Variants in MAST2 observed in about 807,000 individuals in gnomAD.
The protein encoded by MAST2 is microtubule associated serine/threonine kinase 2.
Under a neutral mutation model 147.4 loss-of-function variants are expected in MAST2, and 70 were observed. The ratio of observed to expected loss-of-function variants is 0.47; its 90% CI spans 0.39 to 0.58. The LOEUF (loss-of-function observed/expected upper bound fraction) is 0.58. Ranked by LOEUF, MAST2 falls within the 20% of genes least tolerant of loss-of-function variation. The probability of loss-of-function intolerance (pLI) is 0.00; values close to 1 mark genes in which losing one functional copy is unlikely to be tolerated. For missense variants in MAST2, 2,080 were observed against 2,302.3 expected, an observed-to-expected ratio of 0.90 and a Z score of 1.98; for synonymous variants, 869 against 896.8, an observed-to-expected ratio of 0.97 and a Z score of 0.55.
At position 46,034,591 on chromosome 1, in the gene MAST2, C is replaced by G. The variant is rs1318573130; in HGVS notation, c.3922C>G (p.Pro1308Ala). The G allele has an allele frequency of 1.2e-6, 2 of 1,614,078 alleles. No individual in the cohort carries two copies. The highest frequency in any genetic ancestry group is 1.7e-5 in the Admixed American group (1 of 60,018). Residue 1308 changes from proline to alanine, a missense_variant, in exon 29 of 29, where the codon CCA becomes GCA. Around this residue, in one of 4 missense-constraint regions of MAST2, gnomAD observed 1,278 missense variants for 1,304.2 expected, o/e 0.98. Transcript: ENST00000361297. ...SSPSSSVPSS[P>A]AGSGHTRPSS... ...CCCCAGCTCCAGCGTGCCCAGTTCCCCAGCCGGCTCTGGGCACACACGGCC... is the reference window on the plus strand; with the variant it reads ...CCCCAGCTCCAGCGTGCCCAGTTCCGCAGCCGGCTCTGGGCACACACGGCC...
At chr1:45,981,738 C>T (rs1644414363) in intron 5 of MAST2, among the ~76,000 whole-genome samples, 1 of 152,002 alleles carries the variant, frequency 6.6e-6, no homozygotes, top group Non-Finnish European at 1.5e-5. Context: ...CTTTCATTGT[C>T]ATAATATTCC....
At chr1:45,861,562 T>C (rs1557842180) in intron 3 of MAST2, among the ~76,000 whole-genome samples, 1 of 152,158 alleles carries the variant, frequency 6.6e-6, no homozygotes, top group Non-Finnish European at 1.5e-5. Context: ...GTACCTGCTT[T>C]TTCCTTTTCA....
At position 46,019,748 on chromosome 1, in the gene MAST2, G is replaced by A. The variant is rs774657276; in HGVS notation, c.1290+51G>A. The A allele has an allele frequency of 1.1e-4, 166 of 1,495,512 alleles. 1 individual carries two copies. Among genetic ancestry groups the A allele is most frequent in the Non-Finnish European group, 4.0e-5 (43 of 1,072,428 alleles). 92.6% of individuals were successfully genotyped at this position (1,495,512 alleles called of 1,614,324 possible). ...TGGGCAGATTTAGAGGAGGACTATA[G>A]AGGAAGTATCCTGATGACAGCAAAA... On this transcript the variant is annotated intron_variant, in intron 11 of 28. Coordinates refer to ENST00000361297, the MANE Select transcript of MAST2 (RefSeq NM_015112.3).
chr1:45,831,783 T>C (rs1343444791), intron 3 of MAST2, among the ~76,000 whole-genome samples: 23 of 149,420 alleles, frequency 1.5e-4, no homozygotes, highest in East Asian at 3.9e-4. Flanking sequence ...TTTAATAGTT[T>C]TTTTTTTTTT....
intron 4 of MAST2, among the ~76,000 whole-genome samples, chr1:45,890,060 A>C (rs1647480414): frequency 6.6e-6 from 1 of 152,100 alleles, no homozygotes; most frequent in Non-Finnish European, 1.5e-5. Flanking sequence ...TTCTTTTTCC[A>C]TCTATACCAA....
chr1:45,889,338 C>T (rs548923212), intron 4 of MAST2, among the ~76,000 whole-genome samples: 17 of 152,044 alleles, frequency 1.1e-4, no homozygotes, highest in South Asian at 8.3e-4. Flanking sequence ...AGGTGCACGC[C>T]GCCACACCCA....
At chr1:45,896,902 C>A (rs1648829126) in intron 4 of MAST2, among the ~76,000 whole-genome samples, 1 of 152,140 alleles carries the variant, frequency 6.6e-6, no homozygotes, top group Non-Finnish European at 1.5e-5. Context: ...TGCAAGTTTC[C>A]TAAATCTTGT....
intron 11 of MAST2, among the ~76,000 whole-genome samples, chr1:46,020,409 C>G (rs1646135878): frequency 6.6e-6 from 1 of 152,136 alleles, no homozygotes; most frequent in Non-Finnish European, 1.5e-5. Flanking sequence ...TAGGCTGTGA[C>G]AGGGTCATGG....
At chr1:45,931,729 G>A (rs1655338375) in intron 4 of MAST2, among the ~76,000 whole-genome samples, 1 of 151,738 alleles carries the variant, frequency 6.6e-6, no homozygotes, top group African/African-American at 2.4e-5. Flanking sequence ...CCTGACCTCA[G>A]GTGATCCGCC....
intron 1 of MAST2, among the ~76,000 whole-genome samples, chr1:45,822,484 A>G (rs954653961): frequency 6.6e-6 from 1 of 152,092 alleles, no homozygotes; most frequent in Non-Finnish European, 1.5e-5. Flanking sequence ...GAATAGGGAA[A>G]TTGAAAAGTG....
chr1:45,807,185 AT>A (rs960657851), intron 1 of MAST2, among the ~76,000 whole-genome samples: 2 of 151,814 alleles, frequency 1.3e-5, no homozygotes, highest in Admixed American at 6.6e-5. Flanking sequence ...CCTTGTTGAC[AT>A]TTTTTTCTTT....
At chr1:45,902,086 G>A (rs977517268) in intron 4 of MAST2, among the ~76,000 whole-genome samples, 1 of 152,016 alleles carries the variant, frequency 6.6e-6, no homozygotes, top group African/African-American at 2.4e-5. Context: ...TTCAGTTTTT[G>A]CCCATTCAGT....
chr1:46,019,095 T>C (rs1053590582), intron 10 of MAST2, among the ~76,000 whole-genome samples: 2 of 152,234 alleles, frequency 1.3e-5, no homozygotes, highest in African/African-American at 4.8e-5. Flanking sequence ...TGCCTTGACC[T>C]ATGCCTTTTT....
intron 4 of MAST2, among the ~76,000 whole-genome samples, chr1:45,925,656 A>G (rs1046789674): frequency 3.3e-5 from 5 of 152,358 alleles, no homozygotes; most frequent in East Asian, 3.9e-4. Context: ...TTGAATTGCC[A>G]TAGACTTTGT....
chr1:45,999,408 A>G (rs1325012565), intron 6 of MAST2, among the ~76,000 whole-genome samples: 2 of 152,180 alleles, frequency 1.3e-5, no homozygotes, highest in African/African-American at 4.8e-5. Context: ...TGCCTGGACT[A>G]TATATAAACT....
At chr1:45,981,050 G>A (rs1443233217) in intron 5 of MAST2, among the ~76,000 whole-genome samples, 1 of 152,070 alleles carries the variant, frequency 6.6e-6, no homozygotes, top group Non-Finnish European at 1.5e-5. Flanking sequence ...CATTTCTGAG[G>A]CTATGGTTTT....
At chr1:45,960,111 A>C (rs912105273) in intron 5 of MAST2, among the ~76,000 whole-genome samples, 5 of 152,164 alleles carry the variant, frequency 3.3e-5, no homozygotes, top group Non-Finnish European at 5.9e-5. Context: ...TACATACTGG[A>C]ATTAAAGCAA....
At chr1:45,864,366 A>G (rs1370626927) in intron 3 of MAST2, among the ~76,000 whole-genome samples, 1 of 152,166 alleles carries the variant, frequency 6.6e-6, no homozygotes, top group African/African-American at 2.4e-5. Flanking sequence ...GAGCAGGGAA[A>G]CCGACCTTAG....
rs1257735037 is a variant in MAST2 at position 46,028,879 on chromosome 1, T to C, written c.2164T>C (p.Cys722Arg). ...GIILYEFLVGCVPFFGDTPEE... is the reference protein window; with the variant it reads ...GIILYEFLVGRVPFFGDTPEE... ...TATCCTGTATGAGTTCCTGGTGGGC[T>C]GCGTCCCTTTTTTTGGAGATACTCC... The change falls in exon 18 of 29, where the codon TGC becomes CGC. Residue 722 changes from cysteine to arginine, a missense_variant. By Grantham distance (180) the Cys-to-Arg change is radical. Around this residue, in one of 4 missense-constraint regions of MAST2, gnomAD observed 209 missense variants for 309.5 expected, o/e 0.68. Transcript: ENST00000361297. The C allele has an allele frequency of 6.2e-7, 1 of 1,612,770 alleles. No individual in the cohort carries two copies. Among genetic ancestry groups the C allele is most frequent in the East Asian group, 2.2e-5 (1 of 44,872 alleles).
Sources: gnomAD v4.1 joint callset for allele counts (sites outside exome capture counted in the v4.1 genomes callset) on GRCh38, gnomAD v4.1.1 for gene constraint, gnomAD v4.1.1 regional missense constraint, MANE v1.5 for transcripts, NCBI Gene and HGNC (gene_info 2026-07-23, HGNC 2026-07-21) for gene names.